The following ALPK1 variants were observed in gnomAD, a reference collection of about 807,000 sequenced individuals.
The protein encoded by ALPK1 is alpha-protein kinase 1.
A neutral mutation model predicts 120.6 loss-of-function variants in ALPK1; 110 were observed. The ratio of observed to expected loss-of-function variants is 0.91; its 90% CI spans 0.78 to 1.07. The LOEUF (loss-of-function observed/expected upper bound fraction) is 1.07. ALPK1 is among the 50% of genes least tolerant of loss of function. The pLI, the probability that ALPK1 is intolerant of heterozygous loss-of-function variation, is 0.00. For synonymous variants in ALPK1, 582 were observed against 560.3 expected, an observed-to-expected ratio of 1.04 and a Z score of -0.55; for missense variants, 1,498 against 1,483.9, an observed-to-expected ratio of 1.01 and a Z score of -0.16.
At chr4:112,348,396 C>T (rs927097299) in intron 2 of ALPK1, among the ~76,000 whole-genome samples, 9 of 152,228 alleles carry the variant, frequency 5.9e-5, no homozygotes, top group Non-Finnish European at 1.0e-4. Flanking sequence ...TGCTTAGGCG[C>T]GGTGTCGAGA....
In ALPK1 at chr4:112,427,812, G is replaced by A. The variant is rs1734308219; in HGVS notation, c.795+147G>A. The A allele has an allele frequency of 1.9e-5, 12 of 629,338 alleles. No homozygotes were observed. The South Asian group carries it at 2.1e-4, about 11-fold the overall frequency. The allele number at this position is 629,338 out of a possible 1,614,324, so 39.0% of individuals were successfully genotyped here. A position where few individuals can be genotyped will look rare whatever the true frequency, so the allele number is the denominator to read the frequency against. On this transcript the variant is annotated intron_variant, in intron 9 of 15. Transcript: ENST00000650871. Reference sequence around the variant, plus strand: ...GACAAATGGGAGGAATCCTGGGGAGGAGTCTTGTGGGGTCCTATTTGGCTT... The same window carrying A: ...GACAAATGGGAGGAATCCTGGGGAGAAGTCTTGTGGGGTCCTATTTGGCTT...
intron 5 of ALPK1, among the ~76,000 whole-genome samples, chr4:112,418,194 C>T (rs1733824556): frequency 6.6e-6 from 1 of 152,226 alleles, no homozygotes; most frequent in South Asian, 2.1e-4. Flanking sequence ...TTGGAGAAGG[C>T]ACAGACATGG....
chr4:112,306,369 T>C (rs1285020449), intron 1 of ALPK1, among the ~76,000 whole-genome samples: 2 of 152,172 alleles, frequency 1.3e-5, no homozygotes, highest in East Asian at 3.9e-4. Flanking sequence ...GCTGTGAATC[T>C]GTCTGGTCCT....
chr4:112,326,624 C>T (rs1019192256), intron 2 of ALPK1, among the ~76,000 whole-genome samples: 3 of 152,200 alleles, frequency 2.0e-5, no homozygotes, highest in Non-Finnish European at 4.4e-5. Flanking sequence ...ATCCTCATGT[C>T]CATCAATACA....
In ALPK1 at chr4:112,426,499, G is replaced by T; in HGVS notation, c.655G>T (p.Ala219Ser). Reference protein sequence around the residue: ...MWYEAAELIWASIVGYLALPQ... With the variant: ...MWYEAAELIWSSIVGYLALPQ... ...GTACGAAGCAGCAGAGTTAATATGG[G>T]CCTCCATTGTAGGATATTTGGCACT... The change falls in exon 8 of 16, where the codon GCC becomes TCC. Residue 219 changes from alanine to serine, a missense_variant. Coordinates refer to ENST00000650871, the MANE Select transcript of ALPK1 (RefSeq NM_025144.4). 6.2e-7 allele frequency: 1 copy of T among 1,600,140 alleles called. No individual in the cohort carries two copies.
At position 112,412,032 on chromosome 4, in the gene ALPK1, T is replaced by TC. The variant is rs1560676358; in HGVS notation, c.475+10dup. 3 of 1,613,598 alleles carry TC rather than the reference T, an allele frequency of 1.9e-6. No individual in the cohort carries two copies. The Admixed American group carries it at 5.0e-5, about 27-fold the overall frequency. On this transcript the variant is annotated splice_region_variant and intron_variant, in intron 5 of 15. Transcript: ENST00000650871. ...CGAATCTCCGTGAACTCAGGTATGC[T>TC]CCCTCCTGCTGGCCGCCCCCGCGTC... is the stretch of plus-strand genomic sequence containing the variant.
intron 5 of ALPK1, among the ~76,000 whole-genome samples, chr4:112,413,423 T>TTTTTG (rs1164951020): frequency 6.6e-6 from 1 of 152,144 alleles, no homozygotes; most frequent in East Asian, 1.9e-4. Flanking sequence ...TCCATTTTTG[T>TTTTTG]TTTTGTTTTG....
intron 4 of ALPK1, among the ~76,000 whole-genome samples, chr4:112,407,270 A>C (rs1446298833): frequency 5.3e-5 from 8 of 152,196 alleles, no homozygotes; most frequent in Non-Finnish European, 1.5e-5. Context: ...CGAAATGCAT[A>C]CTGAAAAAGG....
At chr4:112,373,661 G>T (rs1731520513) in intron 2 of ALPK1, among the ~76,000 whole-genome samples, 1 of 152,112 alleles carries the variant, frequency 6.6e-6, no homozygotes, top group Non-Finnish European at 1.5e-5. Flanking sequence ...GTTGAGGTGG[G>T]AGGATCACTT....
chr4:112,440,179 AT>A (rs1274357348), intron 14 of ALPK1, among the ~76,000 whole-genome samples: 1 of 152,010 alleles, frequency 6.6e-6, no homozygotes, highest in Non-Finnish European at 1.5e-5. Flanking sequence ...AGTGATGTAT[AT>A]TTCGTTGCAT....
intron 5 of ALPK1, among the ~76,000 whole-genome samples, chr4:112,420,942 C>T (rs1013517022): frequency 6.6e-6 from 1 of 152,168 alleles, no homozygotes; most frequent in African/African-American, 2.4e-5. Context: ...AAGCAATTCT[C>T]CTGTCTCAGC....
At chr4:112,357,002 C>T (rs1730657300) in intron 2 of ALPK1, 3 of 778,110 alleles carry the variant, frequency 3.9e-6, no homozygotes, top group East Asian at 4.9e-5. Context: ...GGTGGCACAG[C>T]AGGGCCAGCC....
At position 112,411,864 on chromosome 4, in the gene ALPK1, C is replaced by T. The variant is rs768970546; in HGVS notation, c.314C>T (p.Ala105Val). Residue 105 changes from alanine (A) to valine (V), a missense_variant, in exon 5 of 16, where the codon GCG becomes GTG. Transcript: ENST00000650871. ...LRASILARDC[A>V]AAAAIVFLVD... The stretch of plus-strand genomic sequence containing the variant: ...GCCTCCATCCTCGCTCGGGACTGTG[C>T]GGCTGCGGCGGCTATTGTGTTCTTG... 1.9e-6 allele frequency: 3 copies of T among 1,612,716 alleles called. No individual in the cohort carries two copies. Among genetic ancestry groups the T allele is most frequent in the East Asian group, 4.5e-5 (2 of 44,824 alleles).
chr4:112,369,087 G>A (rs1470190448), intron 2 of ALPK1, among the ~76,000 whole-genome samples: 1 of 152,120 alleles, frequency 6.6e-6, no homozygotes, highest in Non-Finnish European at 1.5e-5. Context: ...ACATATTTTA[G>A]AGATTTAAAA....
At chr4:112,329,669 G>C (rs1257743891) in intron 2 of ALPK1, among the ~76,000 whole-genome samples, 1 of 152,166 alleles carries the variant, frequency 6.6e-6, no homozygotes, top group Admixed American at 6.5e-5. Flanking sequence ...TTTAGGGGAT[G>C]GGAGTGAGGA....
intron 1 of ALPK1, among the ~76,000 whole-genome samples, chr4:112,305,686 A>G (rs1401371607): frequency 2.0e-5 from 3 of 152,114 alleles, no homozygotes; most frequent in Non-Finnish European, 4.4e-5. Flanking sequence ...CAGTCACGTC[A>G]TCTGCAAACA....
In ALPK1 at chr4:112,404,286, C is replaced by T. The variant is rs537790871; in HGVS notation, c.277-7541C>T. 2.0e-5 allele frequency among the ~76,000 whole-genome samples: 3 copies of T among 152,324 alleles called. No homozygotes were observed. The South Asian group carries it at 6.2e-4, about 32-fold the overall frequency. On this transcript the variant is annotated intron_variant, in intron 4 of 15. Coordinates refer to ENST00000650871, the MANE Select transcript of ALPK1 (RefSeq NM_025144.4). The stretch of plus-strand genomic sequence containing the variant: ...CTGTGCCTGTTTATACCTCGTCATA[C>T]AAGTGAGTGGGAATGAGTGGCTGAC...
At chr4:112,417,322 A>G (rs754747464) in intron 5 of ALPK1, among the ~76,000 whole-genome samples, 11 of 152,244 alleles carry the variant, frequency 7.2e-5, no homozygotes, top group Admixed American at 2.6e-4. Context: ...ATTTAGCCAT[A>G]TAAGATTAAA....
Position 112,368,236 on chromosome 4 carries a change from C to T in ALPK1, c.-100-9442C>T, listed in dbSNP as rs112312433. On this transcript the variant is annotated intron_variant, in intron 2 of 15. Transcript: ENST00000650871. The stretch of plus-strand genomic sequence containing the variant: ...CCCCACCTAGAGTGAATATTTTTAT[C>T]GAATCTATGCATTCATTGAATTTTT... Among the ~76,000 whole-genome samples the T allele has an allele frequency of 4.9e-3, 744 of 152,158 alleles. 6 individuals are homozygous for T. Among genetic ancestry groups the T allele is most frequent in the African/African-American group, 0.017 (701 of 41,510 alleles).
Sources: gnomAD v4.1 joint callset for allele counts (sites outside exome capture counted in the v4.1 genomes callset) on GRCh38, gnomAD v4.1.1 for gene constraint, MANE v1.5 for transcripts, NCBI Gene and HGNC (gene_info 2026-07-23, HGNC 2026-07-21) for gene names.